Variants in MAGI2 observed in about 807,000 individuals in gnomAD.
The protein encoded by MAGI2 is membrane-associated guanylate kinase, WW and PDZ domain-containing protein 2.
In MAGI2, 35 loss-of-function variants were observed where a neutral mutation model predicts 133.3. The ratio of observed to expected loss-of-function variants is 0.26; its 90% CI spans 0.20 to 0.35. The LOEUF (loss-of-function observed/expected upper bound fraction) is 0.35. MAGI2 is among the 10% of genes least tolerant of loss of function. MAGI2 has a pLI of 1.00. For missense variants in MAGI2, 1,636 were observed against 1,863.4 expected (o/e 0.88, Z 2.25); for synonymous variants, 729 against 710.6 (o/e 1.03, Z -0.41).
At chr7:79,375,193 A>G (rs1585751412) in intron 1 of MAGI2, among the ~76,000 whole-genome samples, 1 of 152,078 alleles carries the variant, frequency 6.6e-6, no homozygotes, top group East Asian at 1.9e-4. Context: ...AGGAAAGCCA[A>G]ATAAATACCG....
In MAGI2 at chr7:79,252,299, C is replaced by T. The variant is rs901792896; in HGVS notation, c.301+200721G>A. Reference sequence around the variant, plus strand: ...ACGTGGATAGATCTGAAGGTCATTACATTAAGTAAAATAAGCCAGAAACAA... The same window carrying T: ...ACGTGGATAGATCTGAAGGTCATTATATTAAGTAAAATAAGCCAGAAACAA... On this transcript the variant is annotated intron_variant, in intron 1 of 21. Transcript: ENST00000354212. 2.6e-5 allele frequency among the ~76,000 whole-genome samples: 4 copies of T among 151,742 alleles called. 1 individual carries two copies. Among genetic ancestry groups the T allele is most frequent in the South Asian group, 4.2e-4 (2 of 4,810 alleles).
Position 78,018,116 on chromosome 7 carries a change from A to C in MAGI2, c.*1199T>G, listed in dbSNP as rs577128378. On this transcript the variant is annotated 3_prime_UTR_variant, in exon 22 of 22. Transcript: ENST00000354212. ...AGATCCATGAAGATAAACATCTAGA[A>C]GTTGCTAACAAAATAAAGTGGCAAG... 6.6e-6 allele frequency: 1 copy of C among 152,398 alleles called. No individual in the cohort carries two copies. The highest frequency in any genetic ancestry group is 2.1e-4 in the South Asian group (1 of 4,828). The allele number at this position is 152,398 out of a possible 1,614,324, so 9.4% of individuals were successfully genotyped here.
intron 20 of MAGI2, among the ~76,000 whole-genome samples, chr7:78,107,687 A>T (rs997461621): frequency 1.3e-5 from 2 of 151,932 alleles, no homozygotes; most frequent in East Asian, 3.9e-4. Flanking sequence ...TTACTGGTCT[A>T]TTCAGGATTT....
chr7:78,890,192 T>A (rs9719651), intron 2 of MAGI2, among the ~76,000 whole-genome samples: 7 of 151,712 alleles, frequency 4.6e-5, no homozygotes, highest in Non-Finnish European at 8.8e-5. Flanking sequence ...CTAAATATAT[T>A]GGCACCCAGT....
chr7:78,265,042 A>G lies in MAGI2; in HGVS notation c.1409-8461T>C, dbSNP rs542567438. Among the ~76,000 whole-genome samples the G allele has an allele frequency of 3.1e-4, 47 of 152,018 alleles. 2 individuals carry two copies. In the South Asian group the frequency reaches 9.1e-3, roughly 30 times the overall value. The stretch of plus-strand genomic sequence containing the variant: ...CTTCTTAATCACATTTTATAATTTC[A>G]TCTGTGTGACCCAGTGCAGATGCTT... On this transcript the variant is annotated intron_variant, in intron 9 of 21. Transcript: ENST00000354212.
intron 9 of MAGI2, among the ~76,000 whole-genome samples, chr7:78,299,028 G>T (rs1350780182): frequency 1.4e-5 from 2 of 145,688 alleles, no homozygotes; most frequent in Non-Finnish European, 3.1e-5. Context: ...TGTTGGTCAG[G>T]CTGGTCTTGA....
In MAGI2 at chr7:79,000,968, G is replaced by A. The variant is rs147305501; in HGVS notation, c.418+6122C>T. 2.6e-3 allele frequency among the ~76,000 whole-genome samples: 398 copies of A among 152,310 alleles called. 2 individuals are homozygous for A. Among genetic ancestry groups the A allele is most frequent in the Admixed American group, 4.2e-3 (65 of 15,298 alleles). ...AATCTTGCTGTGTTTCCAGGCTGGAGTATAGTAGCATGATCTCAGCTCACT... is the reference window on the plus strand; with the variant it reads ...AATCTTGCTGTGTTTCCAGGCTGGAATATAGTAGCATGATCTCAGCTCACT... On this transcript the variant is annotated intron_variant, in intron 2 of 21. Transcript: ENST00000354212.
intron 2 of MAGI2, among the ~76,000 whole-genome samples, chr7:78,726,919 GTTTT>G (rs573285679): frequency 6.9e-6 from 1 of 144,120 alleles, no homozygotes; most frequent in Non-Finnish European, 1.5e-5. Flanking sequence ...AGATGCATGG[GTTTT>G]TTTTTTTTGA....
chr7:78,164,910 T>C (rs1825470900), intron 15 of MAGI2, among the ~76,000 whole-genome samples: 1 of 152,142 alleles, frequency 6.6e-6, no homozygotes, highest in Admixed American at 6.5e-5. Context: ...TTCAGTATAA[T>C]AATTAAAGCC....
intron 21 of MAGI2, among the ~76,000 whole-genome samples, chr7:78,044,467 C>A (rs1366036665): frequency 6.6e-6 from 1 of 152,210 alleles, no homozygotes; most frequent in Non-Finnish European, 1.5e-5. Context: ...TGAACACTAG[C>A]AAATCACTTT....
chr7:78,150,192 A>G (rs1823733615), intron 16 of MAGI2, among the ~76,000 whole-genome samples: 2 of 152,178 alleles, frequency 1.3e-5, no homozygotes, highest in South Asian at 4.1e-4. Context: ...CTGGACATCA[A>G]AAAGAAATAT....
intron 2 of MAGI2, among the ~76,000 whole-genome samples, chr7:78,971,645 T>C (rs1053831109): frequency 1.3e-5 from 2 of 152,156 alleles, no homozygotes; most frequent in Non-Finnish European, 2.9e-5. Flanking sequence ...TTGGCCACCC[T>C]ACTTTCAGGT....
chr7:78,209,886 G>A (rs1396742893), intron 10 of MAGI2, among the ~76,000 whole-genome samples: 3 of 152,114 alleles, frequency 2.0e-5, no homozygotes, highest in East Asian at 3.9e-4. Flanking sequence ...AGTTCCTTAA[G>A]CCAGGTGTTT....
At chr7:78,764,010 G>A (rs1824768533) in intron 2 of MAGI2, among the ~76,000 whole-genome samples, 1 of 152,160 alleles carries the variant, frequency 6.6e-6, no homozygotes, top group African/African-American at 2.4e-5. Context: ...GTACTACTAA[G>A]GACATACTTT....
chr7:78,575,107 C>T (rs1244891461), intron 3 of MAGI2, among the ~76,000 whole-genome samples: 1 of 152,008 alleles, frequency 6.6e-6, no homozygotes, highest in African/African-American at 2.4e-5. Context: ...GAAGTAACAA[C>T]ACAGGGTTGC....
At chr7:78,088,443 TG>T (rs766479649) in intron 20 of MAGI2, among the ~76,000 whole-genome samples, 1 of 152,164 alleles carries the variant, frequency 6.6e-6, no homozygotes, top group African/African-American at 2.4e-5. Flanking sequence ...TACACCAAGA[TG>T]GGTGGCGGGG....
chr7:78,988,728 A>G (rs545717038), intron 2 of MAGI2, among the ~76,000 whole-genome samples: 1 of 152,220 alleles, frequency 6.6e-6, no homozygotes, highest in Admixed American at 6.5e-5. Context: ...CATAATTACA[A>G]TGAACTGACC....
intron 8 of MAGI2, among the ~76,000 whole-genome samples, chr7:78,344,472 T>C (rs1355204377): frequency 7.2e-5 from 11 of 152,160 alleles, no homozygotes; most frequent in Non-Finnish European, 1.5e-4. Flanking sequence ...GAGCACAATA[T>C]TTCAGCATGT....
At chr7:78,122,711 A>T (rs1191938648) in intron 20 of MAGI2, among the ~76,000 whole-genome samples, 3 of 152,186 alleles carry the variant, frequency 2.0e-5, no homozygotes, top group Admixed American at 2.0e-4. Flanking sequence ...CTCCTTTCAG[A>T]TTTCTCTTTT....
Sources: allele counts gnomAD v4.1 joint callset (sites outside exome capture counted in the v4.1 genomes callset), GRCh38; gene constraint gnomAD v4.1.1; transcripts MANE v1.5; gene names NCBI Gene and HGNC (gene_info 2026-07-23, HGNC 2026-07-21).